Variants in BCR observed in about 807,000 individuals in gnomAD.
The protein encoded by BCR is breakpoint cluster region protein.
Under a neutral mutation model 138.6 loss-of-function variants are expected in BCR, and 58 were observed. The observed-to-expected ratio is 0.42, with a 90% CI of 0.34 to 0.52. The LOEUF (loss-of-function observed/expected upper bound fraction) is 0.52, where lower values mean the gene tolerates loss of function less well. Among genes scored for constraint, BCR ranks in the 20% least tolerant of loss-of-function variants. The probability of loss-of-function intolerance (pLI) is 0.06; values close to 1 mark genes in which losing one functional copy is unlikely to be tolerated. For synonymous variants in BCR, 786 were observed against 730.1 expected, an observed-to-expected ratio of 1.08 and a Z score of -1.23; for missense variants, 1,599 against 1,727.2, an observed-to-expected ratio of 0.93 and a Z score of 1.32.
rs138550239 is a variant in BCR, at chr22:23,235,311, C to T, written c.1280-18488C>T. On this transcript the variant is annotated intron_variant, in intron 1 of 22. Transcript: ENST00000305877. ...GCCAGACTGGTCTCGAACTCCTGAC[C>T]TCAAGTGATCCGCCTGCCTTGGCAT... Among the ~76,000 whole-genome samples the T allele has an allele frequency of 8.4e-3, 1,209 of 144,276 alleles. 181 individuals carry two copies. The highest frequency in any genetic ancestry group is 0.019 in the Middle Eastern group (5 of 268). The allele number at this position is 144,276 out of a possible 152,430, so 94.7% of individuals were successfully genotyped here.
chr22:23,289,559 T>G lies in BCR; in HGVS notation c.2645T>G (p.Leu882Arg), dbSNP rs772930420. The change falls in exon 13 of 23, where the codon CTG becomes CGG. Residue 882 changes from leucine to arginine, a missense_variant. Physicochemically the swap from Leu to Arg is moderately radical, Grantham distance 102. This residue lies in a region of BCR where 590 missense variants were observed against 762.4 expected (regional missense o/e 0.77). Coordinates refer to ENST00000305877, the MANE Select transcript of BCR (RefSeq NM_004327.4). Reference protein sequence around the residue: ...FSLTSVELQMLTNSCVKLQTV... With the variant: ...FSLTSVELQMRTNSCVKLQTV... ...CTGACATCCGTGGAGCTGCAGATGC[T>G]GACCAACTCGTGTGTGAAACTCCAG... 2 of 1,614,274 alleles carry G rather than the reference T, an allele frequency of 1.2e-6. No individual in the cohort carries two copies. Among genetic ancestry groups the G allele is most frequent in the Non-Finnish European group, 8.5e-7 (1 of 1,180,044 alleles).
chr22:23,232,541 C>T (rs2072970931), intron 1 of BCR, among the ~76,000 whole-genome samples: 1 of 152,176 alleles, frequency 6.6e-6, no homozygotes, highest in African/African-American at 2.4e-5. Flanking sequence ...CCCAGAGCAC[C>T]ACCCTTTACC....
chr22:23,263,075 G>A lies in BCR; in HGVS notation c.1752+1535G>A, dbSNP rs191568277. ...CTAGGCGGCGGGAGGGCGCCAGGCCGGGAAGAGTACAAGGACAAGGAGGTC... is the reference window on the plus strand; with the variant it reads ...CTAGGCGGCGGGAGGGCGCCAGGCCAGGAAGAGTACAAGGACAAGGAGGTC... On this transcript the variant is annotated intron_variant, in intron 4 of 22. Transcript: ENST00000305877. 2.2e-3 allele frequency: 1,578 copies of A among 706,780 alleles called. 3 individuals carry two copies. Among genetic ancestry groups the A allele is most frequent in the Non-Finnish European group, 2.7e-3 (1,192 of 447,072 alleles). 43.8% of individuals were successfully genotyped at this position (706,780 alleles called of 1,614,324 possible). A position where few individuals can be genotyped will look rare whatever the true frequency, so the allele number is the denominator to read the frequency against.
chr22:23,278,584 A>G (rs755980595), intron 8 of BCR, among the ~76,000 whole-genome samples: 1 of 152,158 alleles, frequency 6.6e-6, no homozygotes, highest in Non-Finnish European at 1.5e-5. Flanking sequence ...AAAATTAGCC[A>G]GGCATGGTGG....
At chr22:23,252,984 A>C (rs1353512986) in intron 1 of BCR, among the ~76,000 whole-genome samples, 2 of 152,236 alleles carry the variant, frequency 1.3e-5, no homozygotes, top group African/African-American at 4.8e-5. Flanking sequence ...GTCAGGTGTC[A>C]GTAGCAAGTC....
intron 1 of BCR, among the ~76,000 whole-genome samples, chr22:23,220,084 A>G (rs1305187967): frequency 6.6e-6 from 1 of 152,132 alleles, no homozygotes. Flanking sequence ...CTGCCCTTTG[A>G]GGCTGTGTGG....
At position 23,316,582 on chromosome 22, in the gene BCR, A is replaced by G. The variant is rs3876062; in HGVS notation, c.*1060A>G. 0.21 allele frequency: 34,643 copies of G among 165,972 alleles called. 1,949 individuals are homozygous for G. The highest frequency in any genetic ancestry group is 0.26 in the African/African-American group (8,201 of 31,286). 10.3% of individuals were successfully genotyped at this position (165,972 alleles called of 1,614,324 possible). On this transcript the variant is annotated 3_prime_UTR_variant, in exon 23 of 23. Transcript: ENST00000305877. ...ATCCAGATACCTAATAAGATGCTGG[A>G]ATGTAATCCCTGGACAATCCGTGTC...
In BCR at chr22:23,273,527, G is replaced by A. The variant is rs575760616; in HGVS notation, c.1975-107G>A. On this transcript the variant is annotated intron_variant, in intron 7 of 22. Coordinates refer to ENST00000305877, the MANE Select transcript of BCR (RefSeq NM_004327.4). The stretch of plus-strand genomic sequence containing the variant: ...TGAGAGAGACTGTGGTGACACTGAG[G>A]GAGCCGGCGCTCTGGGCTCCGTCCA... 42 of 1,461,476 alleles carry A rather than the reference G, an allele frequency of 2.9e-5. No homozygotes were observed. In the African/African-American group the frequency reaches 5.2e-4, roughly 18 times the overall value. The allele number at this position is 1,461,476 out of a possible 1,614,324, so 90.5% of individuals were successfully genotyped here.
chr22:23,305,328 C>T (rs943290821), intron 16 of BCR, among the ~76,000 whole-genome samples: 35 of 152,248 alleles, frequency 2.3e-4, no homozygotes, highest in African/African-American at 7.7e-4. Flanking sequence ...AGGCTGGTGA[C>T]GATGGGCGTG....
At chr22:23,254,531 A>C (rs752935149) in intron 2 of BCR, 1 of 518,832 alleles carries the variant, frequency 1.9e-6, no homozygotes, top group South Asian at 1.4e-5. Flanking sequence ...CATTCAGTAG[A>C]TGCTCTGCCA....
chr22:23,206,017 G>A (rs148823773), intron 1 of BCR, among the ~76,000 whole-genome samples: 231 of 152,314 alleles, frequency 1.5e-3, no homozygotes, highest in Non-Finnish European at 2.7e-3. Context: ...CTGTGAGGCA[G>A]GTAGGGTAGT....
chr22:23,233,538 A>C (rs2072983212), intron 1 of BCR, among the ~76,000 whole-genome samples: 1 of 152,208 alleles, frequency 6.6e-6, no homozygotes, highest in Non-Finnish European at 1.5e-5. Context: ...CTGTAATCCC[A>C]GCACTTTGAG....
chr22:23,303,931 C>CT (rs131683), intron 16 of BCR, among the ~76,000 whole-genome samples: 54,174 of 105,624 alleles, frequency 0.51, 14,736 homozygotes, highest in East Asian at 0.77. Flanking sequence ...TCCTTGTTGC[C>CT]TTTTTTTTTT....
rs150919880 is a variant in BCR, at chr22:23,268,437, C to T, written c.1782C>T (p.Phe594=). 675 of 1,613,496 alleles carry T rather than the reference C, an allele frequency of 4.2e-4. 4 individuals are homozygous for T. In the Middle Eastern group the frequency reaches 0.01, roughly 24 times the overall value. ...GCCAGCTGGGTGTGTACCGGGCCTTCGTGGACAACTACGGAGTTGCCATGG... is the reference window on the plus strand; with the variant it reads ...GCCAGCTGGGTGTGTACCGGGCCTTTGTGGACAACTACGGAGTTGCCATGG... ...LASQLGVYRA[F]VDNYGVAMEM... is the part of the protein sequence containing the mutation. Residue 594 remains phenylalanine (F), a synonymous_variant, in exon 5 of 23, where the codon TTC becomes TTT. Transcript: ENST00000305877.
At chr22:23,212,502 A>G (rs1243868582) in intron 1 of BCR, among the ~76,000 whole-genome samples, 1 of 152,240 alleles carries the variant, frequency 6.6e-6, no homozygotes. Context: ...GCATAGGTGC[A>G]GAAAATCCCA....
intron 4 of BCR, chr22:23,262,722 A>C (rs2073378971): frequency 2.1e-6 from 1 of 485,114 alleles, no homozygotes; most frequent in African/African-American, 2.4e-5. Flanking sequence ...GGCCCGGGTG[A>C]GGGCGGGGGC....
chr22:23,271,470 A>G, intron 5 of BCR, 62 bp from the exon 6 acceptor site: 2 of 1,532,630 alleles, frequency 1.3e-6, no homozygotes, highest in South Asian at 1.1e-5. Context: ...CAAAGGGGGA[A>G]CTGTCTGCAT....
At chr22:23,211,328 G>GCTGGGACTACAGGCGC (rs2072679547) in intron 1 of BCR, among the ~76,000 whole-genome samples, 1 of 151,572 alleles carries the variant, frequency 6.6e-6, no homozygotes, top group African/African-American at 2.4e-5. Flanking sequence ...CTCCCAAGTA[G>GCTGGGACTACAGGCGC]CTGGGACTAC....
chr22:23,314,469 G>A, intron 21 of BCR, 83 bp from the exon 22 acceptor site: 1 of 1,516,062 alleles, frequency 6.6e-7, no homozygotes. Flanking sequence ...CTCCCTTCCT[G>A]AGAACTCCAG....
Sources: allele counts gnomAD v4.1 joint callset (sites outside exome capture counted in the v4.1 genomes callset), GRCh38; gene constraint gnomAD v4.1.1; regional missense constraint gnomAD v4.1.1; transcripts MANE v1.5; gene names NCBI Gene and HGNC (gene_info 2026-07-23, HGNC 2026-07-21).